Variants in LHX8 observed in about 807,000 individuals in gnomAD.
LHX8 encodes the protein LIM/homeobox protein Lhx8.
LHX8 carries 12 observed loss-of-function variants against 40.3 expected under a neutral mutation model. That is an observed-to-expected ratio of 0.30 (90% CI 0.19 to 0.48). The LOEUF (loss-of-function observed/expected upper bound fraction) is 0.48. Among genes scored for constraint, LHX8 ranks in the 20% least tolerant of loss-of-function variants. LHX8 has a pLI of 0.99. For synonymous variants in LHX8, 179 were observed against 162.0 expected, an observed-to-expected ratio of 1.10 and a Z score of -0.80; for missense variants, 344 against 433.7, an observed-to-expected ratio of 0.79 and a Z score of 1.84.
At chr1:75,181,426 C>T in the LHX8 span, among the ~76,000 whole-genome samples, 1 of 152,174 alleles carries the variant, frequency 6.6e-6, no homozygotes, top group African/African-American at 2.4e-5. Flanking sequence ...TGACAGACAC[C>T]CCTCCCCCAG....
chr1:75,172,282 A>G, the LHX8 span, among the ~76,000 whole-genome samples: 1 of 152,184 alleles, frequency 6.6e-6, no homozygotes, highest in Non-Finnish European at 1.5e-5. Context: ...GTCACATTTA[A>G]ATACAATTTA....
At chr1:75,144,314 G>A (rs910477758) in intron 6 of LHX8, among the ~76,000 whole-genome samples, 1 of 152,166 alleles carries the variant, frequency 6.6e-6, no homozygotes, top group East Asian at 1.9e-4. Flanking sequence ...TCTGAAGAGA[G>A]ACATACATGT....
chr1:75,193,947 C>T, the LHX8 span, among the ~76,000 whole-genome samples: 1 of 152,174 alleles, frequency 6.6e-6, no homozygotes, highest in African/African-American at 2.4e-5. Context: ...TGATGATTCA[C>T]ATTCTGCTTT....
intron 8 of LHX8, 80 bp from the exon 9 acceptor site, chr1:75,160,739 C>T: frequency 1.1e-6 from 1 of 949,246 alleles, no homozygotes; most frequent in Admixed American, 1.7e-5. Context: ...AAAACAATGC[C>T]TTGGATTGTT....
At chr1:75,157,205 G>T (rs1026954673) in intron 8 of LHX8, 129 bp downstream of exon 8, 2 of 1,036,660 alleles carry the variant, frequency 1.9e-6, no homozygotes, top group African/African-American at 1.6e-5. Flanking sequence ...ATTGTGGGGG[G>T]TGCAGTAGAG....
At chr1:75,145,733 A>G (rs962810778) in intron 6 of LHX8, among the ~76,000 whole-genome samples, 3 of 152,132 alleles carry the variant, frequency 2.0e-5, no homozygotes, top group Non-Finnish European at 4.4e-5. Context: ...TCAAAACTCC[A>G]ATTAATAGCA....
upstream of LHX8, chr1:75,130,865 A>T: frequency 1.1e-6 from 1 of 882,938 alleles, no homozygotes; most frequent in South Asian, 1.3e-5. Context: ...TGTGACATCC[A>T]CAGTTTCAGA....
At position 75,150,571 on chromosome 1, in the gene LHX8, G is replaced by A. The variant is rs542147780; in HGVS notation, c.780+1889G>A. Among the ~76,000 whole-genome samples the A allele has an allele frequency of 5.3e-5, 8 of 152,230 alleles. No homozygotes were observed. The East Asian group carries it at 5.8e-4, about 11-fold the overall frequency. On this transcript the variant is annotated intron_variant, in intron 7 of 8. Transcript: ENST00000356261. ...AACAGCCAGAGTTGAGGAAGGAGTC[G>A]GGTGGAGAAGAAGCATGGAAGCTGA...
chr1:75,141,658 C>T (rs1261020511), intron 4 of LHX8, among the ~76,000 whole-genome samples: 1 of 152,082 alleles, frequency 6.6e-6, no homozygotes, highest in Non-Finnish European at 1.5e-5. Context: ...TTTGTCCGAT[C>T]TTCAGTTTCT....
At chr1:75,144,277 G>A (rs1232366540) in intron 6 of LHX8, among the ~76,000 whole-genome samples, 1 of 152,070 alleles carries the variant, frequency 6.6e-6, no homozygotes, top group Non-Finnish European at 1.5e-5. Context: ...ACACATAATT[G>A]CAATGGAAGA....
At chr1:75,184,022 G>C in the LHX8 span, among the ~76,000 whole-genome samples, 6 of 152,244 alleles carry the variant, frequency 3.9e-5, 1 homozygote, top group Admixed American at 6.5e-5. Flanking sequence ...GATCAAAAAA[G>C]ACAAAAGAGG....
At chr1:75,151,503 G>A (rs1648611183) in intron 7 of LHX8, among the ~76,000 whole-genome samples, 1 of 152,208 alleles carries the variant, frequency 6.6e-6, no homozygotes, top group Admixed American at 6.5e-5. Flanking sequence ...GTAATATCCA[G>A]AGTAGGTGTC....
At chr1:75,190,862 T>A in the LHX8 span, among the ~76,000 whole-genome samples, 1 of 152,208 alleles carries the variant, frequency 6.6e-6, no homozygotes, top group African/African-American at 2.4e-5. Flanking sequence ...TAATTCTGTG[T>A]AATGTAAGAT....
intron 7 of LHX8, among the ~76,000 whole-genome samples, chr1:75,156,186 T>A (rs539981500): frequency 6.7e-6 from 1 of 149,564 alleles, no homozygotes; most frequent in African/African-American, 2.5e-5. Context: ...TCTAATGGAG[T>A]TTTTGGGGTA....
At chr1:75,196,472 G>C in the LHX8 span, among the ~76,000 whole-genome samples, 25 of 152,210 alleles carry the variant, frequency 1.6e-4, no homozygotes, top group South Asian at 5.2e-3. Context: ...GCTGGCTGGG[G>C]AACAAATGAC....
rs779790278 is a variant in LHX8, at chr1:75,143,335, A to G, written c.577A>G (p.Asn193Asp). 3.7e-6 allele frequency: 6 copies of G among 1,604,688 alleles called. No homozygotes were observed. In the African/African-American group the frequency reaches 8.0e-5, roughly 21 times the overall value. ...GGATAATTTAAAAAGAGAAGTAGAA[A>G]ATGGTAAATATGTACTTAAATACTT... ...MLDNLKREVENGNGISVEGAL... is the reference protein window; with the variant it reads ...MLDNLKREVEDGNGISVEGAL... Residue 193 changes from asparagine (N) to aspartate (D), a missense_variant, in exon 5 of 9, where the codon AAT becomes GAT. Coordinates refer to ENST00000356261, the MANE Select transcript of LHX8 (RefSeq NM_001256114.2).
Position 75,143,221 on chromosome 1 carries a change from T to C in LHX8, c.463T>C (p.Phe155Leu). ...CTATCACTTGGCATGCTTTGCCTGC[T>C]TTTCCTGCAAAAGGCAACTTTCCAC... Reference protein sequence around the residue: ...NVYHLACFACFSCKRQLSTGE... With the variant: ...NVYHLACFACLSCKRQLSTGE... Residue 155 changes from phenylalanine to leucine, a missense_variant, in exon 5 of 9, where the codon TTT (phenylalanine) becomes CTT (leucine). Phe to Leu is a conservative substitution (Grantham distance 22, BLOSUM62 0). Transcript: ENST00000356261. 1 of 1,613,848 alleles carries C rather than the reference T, an allele frequency of 6.2e-7. No individual in the cohort carries two copies. Among genetic ancestry groups the C allele is most frequent in the Non-Finnish European group, 8.5e-7 (1 of 1,179,790 alleles).
chr1:75,182,369 CTT>C, the LHX8 span, among the ~76,000 whole-genome samples: 2,255 of 92,398 alleles, frequency 0.024, 13 homozygotes, highest in African/African-American at 0.033. Flanking sequence ...TGCCTATTTC[CTT>C]TTTTTTTTTT....
At chr1:75,136,715 G>A (rs1238246296) in intron 2 of LHX8, 26 bp downstream of exon 2, 3 of 1,526,876 alleles carry the variant, frequency 2.0e-6, no homozygotes, top group East Asian at 4.9e-5. Context: ...CTCGCGTGCT[G>A]GCAAGACTGG....
Sources: gnomAD v4.1 joint callset for allele counts (sites outside exome capture counted in the v4.1 genomes callset) on GRCh38, gnomAD v4.1.1 for gene constraint, MANE v1.5 for transcripts, NCBI Gene and HGNC (gene_info 2026-07-23, HGNC 2026-07-21) for gene names.